FUCA1: variants seen among roughly 807,000 people sequenced by gnomAD.
The protein encoded by FUCA1 is alpha-L-fucosidase 1, also known as tissue alpha-L-fucosidase.
In FUCA1, 52 loss-of-function variants were observed where a neutral mutation model predicts 56.8. The ratio of observed to expected loss-of-function variants is 0.92; its 90% confidence interval spans 0.73 to 1.15. The LOEUF (loss-of-function observed/expected upper bound fraction) is 1.15. Ranked by LOEUF, FUCA1 falls within the 50% of genes most tolerant of loss-of-function variation. FUCA1 has a pLI of 0.00. For missense variants in FUCA1, 568 were observed against 592.6 expected (o/e 0.96, Z 0.43); for synonymous variants, 230 against 226.6 (o/e 1.02, Z -0.14).
intron 6 of FUCA1, 73 bp from the exon 7 acceptor site, chr1:23,846,246 CCTT>C: frequency 1.0e-6 from 1 of 961,046 alleles, no homozygotes; most frequent in Middle Eastern, 2.1e-4. Flanking sequence ...TACATTTCCT[CCTT>C]TTTAATGTTA....
intron 6 of FUCA1, among the ~76,000 whole-genome samples, chr1:23,847,679 TTCCCAGCC>T (rs1454149288): frequency 6.6e-6 from 1 of 152,118 alleles, no homozygotes; most frequent in Non-Finnish European, 1.5e-5. Context: ...GCTCTTGAAC[TTCCCAGCC>T]TCCAGAACTG....
intron 2 of FUCA1, 68 bp downstream of exon 2, chr1:23,865,423 G>A (rs1473345889): frequency 1.3e-6 from 2 of 1,599,116 alleles, no homozygotes; most frequent in Non-Finnish European, 1.7e-6. Context: ...CACGCAAGTA[G>A]AGGAGGTACA....
At position 23,867,026 on chromosome 1, in the gene FUCA1, C is replaced by G. The variant is rs1234389873; in HGVS notation, c.389+872G>C. 1.3e-5 allele frequency among the ~76,000 whole-genome samples: 2 copies of G among 152,176 alleles called. No individual in the cohort carries two copies. The highest frequency in any genetic ancestry group is 4.8e-5 in the African/African-American group (2 of 41,448). On this transcript the variant is annotated intron_variant, in intron 1 of 7. Coordinates refer to ENST00000374479, the MANE Select transcript of FUCA1 (RefSeq NM_000147.5). The surrounding 1 kb of genome is among the most constrained non-coding windows in gnomAD (Gnocchi z 4.9). ...GAAAACCCGGAAGATGGCTGAGGAA[C>G]CAAGGTAAGGATGGAAGACTGCTCT...
At chr1:23,865,421 T>G (rs985260589) in intron 2 of FUCA1, 70 bp downstream of exon 2, 3 of 1,597,472 alleles carry the variant, frequency 1.9e-6, no homozygotes, top group Non-Finnish European at 2.6e-6. Context: ...CACACGCAAG[T>G]AGAGGAGGTA....
Position 23,863,055 on chromosome 1 carries a change from C to T in FUCA1, c.662+79G>A, listed in dbSNP as rs143265910. 403 of 1,471,808 alleles carry T rather than the reference C, an allele frequency of 2.7e-4. 3 individuals are homozygous for T. The African/African-American group carries it at 4.5e-3, about 16-fold the overall frequency. 91.2% of individuals were successfully genotyped at this position (1,471,808 alleles called of 1,614,324 possible). ...TAGGTTTTTTTCATACCTATCCCTCCTCCACTTTAATGGTACCCTATAGGA... is the reference window on the plus strand; with the variant it reads ...TAGGTTTTTTTCATACCTATCCCTCTTCCACTTTAATGGTACCCTATAGGA... On this transcript the variant is annotated intron_variant, in intron 3 of 7. Transcript: ENST00000374479.
rs567536324 is a variant in FUCA1, at chr1:23,868,261, C to A, written c.26G>T (p.Arg9Leu). 1 of 1,556,858 alleles carries A rather than the reference C, an allele frequency of 6.4e-7. No homozygotes were observed. The change falls in exon 1 of 8, where the codon CGG becomes CTG. Residue 9 changes from arginine to leucine, a missense_variant. Coordinates refer to ENST00000374479, the MANE Select transcript of FUCA1 (RefSeq NM_000147.5). Reference protein sequence around the residue: MRAPGMRSRPAGPALLLLL... With the variant: MRAPGMRSLPAGPALLLLL... ...CAGCAACAGCGCGGGACCCGCCGGC[C>A]GCGACCTCATCCCCGGAGCCCGCAT...
In FUCA1 at chr1:23,867,706, G is replaced by T; in HGVS notation, c.389+192C>A. ...CATCTCCCTGAACCTTCATTTATCA[G>T]TCCCCAGTCAAACGCACCTCCTCCT... On this transcript the variant is annotated intron_variant, in intron 1 of 7. Transcript: ENST00000374479. The surrounding 1 kb of genome is among the most constrained non-coding windows in gnomAD (Gnocchi z 4.9). 5.1e-6 allele frequency: 5 copies of T among 984,764 alleles called. No homozygotes were observed. The highest frequency in any genetic ancestry group is 6.0e-6 in the Non-Finnish European group (5 of 829,412). The allele number at this position is 984,764 out of a possible 1,614,324, so 61.0% of individuals were successfully genotyped here.
chr1:23,859,944 A>C (rs1639473009), intron 3 of FUCA1, 41 bp from the exon 4 acceptor site: 1 of 1,351,502 alleles, frequency 7.4e-7, no homozygotes, highest in African/African-American at 1.4e-5. Context: ...TTATCTGAAC[A>C]TGTTCACAGT....
intron 5 of FUCA1, among the ~76,000 whole-genome samples, chr1:23,852,102 A>ATAATAATAAT (rs10529609): frequency 1.3e-5 from 2 of 150,268 alleles, no homozygotes; most frequent in African/African-American, 2.4e-5. Flanking sequence ...AATAATAATA[A>ATAATAATAAT]AAAGTGGTTT....
chr1:23,846,200 A>G (rs746717715), intron 6 of FUCA1, 27 bp from the exon 7 acceptor site: 2 of 1,392,190 alleles, frequency 1.4e-6, no homozygotes, highest in Non-Finnish European at 2.0e-6. Context: ...AACACTGTCA[A>G]AGATACCTGA....
intron 5 of FUCA1, among the ~76,000 whole-genome samples, chr1:23,850,991 C>G (rs1365420837): frequency 1.3e-5 from 2 of 151,774 alleles, no homozygotes; most frequent in African/African-American, 2.4e-5. Flanking sequence ...TTTGGCCAGG[C>G]TGGTCTTGAA....
intron 4 of FUCA1, among the ~76,000 whole-genome samples, chr1:23,855,412 G>A (rs572833540): frequency 6.6e-6 from 1 of 152,310 alleles, no homozygotes; most frequent in African/African-American, 2.4e-5. Context: ...CAGGAGAATC[G>A]CTTGAACCTG....
chr1:23,864,242 A>T (rs1360192274), intron 2 of FUCA1, among the ~76,000 whole-genome samples: 3 of 151,958 alleles, frequency 2.0e-5, no homozygotes, highest in Non-Finnish European at 4.4e-5. Context: ...GCCCACCACC[A>T]CACCCAGCTA....
intron 1 of FUCA1, among the ~76,000 whole-genome samples, 159 bp from the exon 2 acceptor site, chr1:23,865,784 G>A (rs746563508): frequency 1.7e-4 from 26 of 152,206 alleles, no homozygotes; most frequent in Non-Finnish European, 3.2e-4. Flanking sequence ...AGCTGCTGCA[G>A]TCACAATTCC....
rs1194218910 is a variant in FUCA1 at position 23,867,072 on chromosome 1, C to G, written c.389+826G>C. Reference sequence around the variant, plus strand: ...GCTCTAAGCCAGGGGCTGGGGAAACCTCCCCGCCTCCATTTTTACTCTTCT... The same window carrying G: ...GCTCTAAGCCAGGGGCTGGGGAAACGTCCCCGCCTCCATTTTTACTCTTCT... On this transcript the variant is annotated intron_variant, in intron 1 of 7. Transcript: ENST00000374479. This position sits in a 1 kb window ranked among gnomAD's most constrained non-coding sequence, Gnocchi z 4.9. Among the ~76,000 whole-genome samples, 5 of 152,144 alleles carry G rather than the reference C, an allele frequency of 3.3e-5. No homozygotes were observed. In the East Asian group the frequency reaches 9.6e-4, roughly 29 times the overall value.
intron 5 of FUCA1, among the ~76,000 whole-genome samples, chr1:23,849,572 GTTCT>G (rs1265337546): frequency 3.8e-5 from 5 of 130,054 alleles, no homozygotes; most frequent in East Asian, 4.6e-4. Flanking sequence ...AAAGAGATAC[GTTCT>G]TTTTTTTTTT....
rs1472962937 is a variant in FUCA1, at chr1:23,845,350, CA to C, written c.*364del. The C allele has an allele frequency of 2.9e-6, 1 of 340,972 alleles. No individual in the cohort carries two copies. The highest frequency in any genetic ancestry group is 5.6e-6 in the Non-Finnish European group (1 of 177,306). The allele number at this position is 340,972 out of a possible 1,614,324, so 21.1% of individuals were successfully genotyped here. Reference sequence around the variant, plus strand: ...TGTGGTTGAGCTTGCCAAATCCTTCCACCTCCTCCCATAGGCAACAGGGTGA... The same window carrying C: ...TGTGGTTGAGCTTGCCAAATCCTTCCCCTCCTCCCATAGGCAACAGGGTGA... On this transcript the variant is annotated 3_prime_UTR_variant, in exon 8 of 8. Coordinates refer to ENST00000374479, the MANE Select transcript of FUCA1 (RefSeq NM_000147.5).
intron 4 of FUCA1, among the ~76,000 whole-genome samples, chr1:23,857,524 G>T (rs1345604090): frequency 6.6e-6 from 1 of 151,754 alleles, no homozygotes; most frequent in Non-Finnish European, 1.5e-5. Context: ...GTGAGACAGA[G>T]TCTCGCTCTG....
rs577520989 is a variant in FUCA1 at position 23,853,949 on chromosome 1, A to C, written c.969+411T>G. Among the ~76,000 whole-genome samples the C allele has an allele frequency of 8.0e-3, 1,148 of 144,144 alleles. 22 individuals are homozygous for C. Among genetic ancestry groups the C allele is most frequent in the African/African-American group, 0.025 (984 of 38,648 alleles). The allele number at this position is 144,144 out of a possible 152,430, so 94.6% of individuals were successfully genotyped here. ...TGCGGAAGGCCGCAGGGTCCTCTGC[A>C]TAGGAAAACCAGAGACCTTTGTTCA... On this transcript the variant is annotated intron_variant, in intron 5 of 7. Transcript: ENST00000374479.
Sources: allele counts gnomAD v4.1 joint callset (sites outside exome capture counted in the v4.1 genomes callset), GRCh38; gene constraint gnomAD v4.1.1; non-coding constraint Gnocchi (gnomAD v3.1); transcripts MANE v1.5; gene names NCBI Gene and HGNC (gene_info 2026-07-23, HGNC 2026-07-21).